Variants in TSHZ2 observed in about 807,000 individuals in gnomAD.
TSHZ2 encodes teashirt zinc finger homeobox 2.
A neutral mutation model predicts 74.4 loss-of-function variants in TSHZ2; 21 were observed. The observed-to-expected ratio is 0.28, with a 90% confidence interval of 0.20 to 0.41. The LOEUF (loss-of-function observed/expected upper bound fraction) is 0.41. TSHZ2 is among the 10% of genes least tolerant of loss of function. The probability of loss-of-function intolerance (pLI) is 1.00; values close to 1 mark genes in which losing one functional copy is unlikely to be tolerated. For missense variants in TSHZ2, 1,244 were observed against 1,293.5 expected (o/e 0.96, Z 0.59); for synonymous variants, 540 against 515.3 (o/e 1.05, Z -0.65).
intron 2 of TSHZ2, among the ~76,000 whole-genome samples, chr20:53,370,319 C>T (rs1010909471): frequency 6.6e-6 from 1 of 152,150 alleles, no homozygotes; most frequent in Non-Finnish European, 1.5e-5. Context: ...TGGGCAGGCT[C>T]TTTGTGAAGG....
intron 1 of TSHZ2, among the ~76,000 whole-genome samples, chr20:53,131,819 A>AACC (rs1987108349): frequency 4.2e-5 from 4 of 95,404 alleles, no homozygotes; most frequent in Admixed American, 1.2e-4. Context: ...TTGAATGACA[A>AACC]CCCCCCCCCC....
At chr20:53,035,555 A>G (rs1983787399) in intron 1 of TSHZ2, among the ~76,000 whole-genome samples, 2 of 152,222 alleles carry the variant, frequency 1.3e-5, no homozygotes, top group African/African-American at 2.4e-5. Context: ...TTCCTGTGGT[A>G]TATTAATTAA....
At chr20:52,984,424 G>C (rs1981677567) in intron 1 of TSHZ2, among the ~76,000 whole-genome samples, 2 of 152,208 alleles carry the variant, frequency 1.3e-5, no homozygotes, top group Non-Finnish European at 2.9e-5. Context: ...GTCTGCGGAA[G>C]TGATACTGGG....
chr20:53,011,816 C>G (rs757987702), intron 1 of TSHZ2, among the ~76,000 whole-genome samples: 2 of 152,156 alleles, frequency 1.3e-5, no homozygotes, highest in Non-Finnish European at 2.9e-5. Flanking sequence ...GAAGCTGTAC[C>G]TTTTGGCTGA....
At chr20:53,482,498 T>G (rs887585786) in intron 2 of TSHZ2, among the ~76,000 whole-genome samples, 1 of 152,200 alleles carries the variant, frequency 6.6e-6, no homozygotes, top group Non-Finnish European at 1.5e-5. Flanking sequence ...CTGGAAAACT[T>G]CCTTGGTTTT....
intron 1 of TSHZ2, among the ~76,000 whole-genome samples, chr20:53,128,492 A>T (rs1987011172): frequency 6.6e-6 from 1 of 152,228 alleles, no homozygotes; most frequent in African/African-American, 2.4e-5. Context: ...TGGTAGTATG[A>T]TGATAGATAA....
chr20:53,404,635 C>T (rs1352222518), intron 2 of TSHZ2, among the ~76,000 whole-genome samples: 1 of 152,168 alleles, frequency 6.6e-6, no homozygotes, highest in Non-Finnish European at 1.5e-5. Context: ...GCTTCCTAAG[C>T]TCTTTAAATC....
At chr20:53,033,562 C>T (rs1983713746) in intron 1 of TSHZ2, among the ~76,000 whole-genome samples, 1 of 150,088 alleles carries the variant, frequency 6.7e-6, no homozygotes, top group South Asian at 2.1e-4. Flanking sequence ...GGGCCTAGGT[C>T]AGTGGCTGGC....
At chr20:53,271,185 A>G (rs1332677938) in intron 2 of TSHZ2, among the ~76,000 whole-genome samples, 2 of 152,222 alleles carry the variant, frequency 1.3e-5, no homozygotes, top group Non-Finnish European at 2.9e-5. Flanking sequence ...AACACACAGC[A>G]GCTAAGCTCA....
At chr20:53,183,657 A>T (rs1024236113) in intron 1 of TSHZ2, among the ~76,000 whole-genome samples, 1 of 152,158 alleles carries the variant, frequency 6.6e-6, no homozygotes, top group Non-Finnish European at 1.5e-5. Flanking sequence ...AGCTCTCAGG[A>T]GTTTCCTGGA....
At chr20:53,472,919 ACT>A (rs1985867913) in intron 2 of TSHZ2, among the ~76,000 whole-genome samples, 2 of 152,110 alleles carry the variant, frequency 1.3e-5, no homozygotes, top group South Asian at 4.2e-4. Context: ...AAATCGGGTC[ACT>A]CTCACCCGAA....
chr20:53,280,739 C>G (rs368011208), intron 2 of TSHZ2, among the ~76,000 whole-genome samples: 2 of 152,052 alleles, frequency 1.3e-5, no homozygotes, highest in East Asian at 3.9e-4. Flanking sequence ...GTCGTCCAGG[C>G]TGGAGTACAG....
intron 1 of TSHZ2, among the ~76,000 whole-genome samples, chr20:52,977,163 C>T (rs1331569491): frequency 6.6e-6 from 1 of 152,072 alleles, no homozygotes; most frequent in Non-Finnish European, 1.5e-5. Context: ...TCTGAATTAA[C>T]CGGTGAGGTC....
intron 2 of TSHZ2, among the ~76,000 whole-genome samples, chr20:53,474,579 C>G (rs1364003596): frequency 7.6e-6 from 1 of 131,362 alleles, no homozygotes; most frequent in Non-Finnish European, 1.6e-5. Context: ...ACCATCCAGA[C>G]TAGGAAGAAA....
intron 1 of TSHZ2, among the ~76,000 whole-genome samples, chr20:53,000,306 G>A (rs1982363902): frequency 6.6e-6 from 1 of 152,156 alleles, no homozygotes; most frequent in Non-Finnish European, 1.5e-5. Context: ...CTCTTGGCCT[G>A]CAAAGCTCAA....
At chr20:53,306,995 G>A (rs1181214243) in intron 2 of TSHZ2, among the ~76,000 whole-genome samples, 2 of 152,194 alleles carry the variant, frequency 1.3e-5, no homozygotes, top group Non-Finnish European at 2.9e-5. Context: ...TTTATACATA[G>A]AGTGAGGAAC....
chr20:53,256,320 G>A lies in TSHZ2; in HGVS notation c.2862G>A (p.Lys954=), dbSNP rs1338199642. 6.2e-7 allele frequency: 1 copy of A among 1,613,856 alleles called. No homozygotes were observed. The highest frequency in any genetic ancestry group is 1.3e-5 in the African/African-American group (1 of 74,894). Reference sequence around the variant, plus strand: ...AATCTCACCTGGGTTTCCAAATGAAGGACATGACCCGCTTGTCAGTGGACC... The same window carrying A: ...AATCTCACCTGGGTTTCCAAATGAAAGACATGACCCGCTTGTCAGTGGACC... ...HLESHLGFQM[K]DMTRLSVDQQ... is the part of the protein sequence containing the mutation. Residue 954 remains lysine (K), a synonymous_variant, in exon 2 of 3, where the codon AAG becomes AAA. Coordinates refer to ENST00000371497, the MANE Select transcript of TSHZ2 (RefSeq NM_173485.6). The surrounding 1 kb of genome is among the most constrained non-coding windows in gnomAD (Gnocchi z 4.3).
At chr20:53,039,203 G>T (rs1983946787) in intron 1 of TSHZ2, among the ~76,000 whole-genome samples, 1 of 151,916 alleles carries the variant, frequency 6.6e-6, no homozygotes, top group Non-Finnish European at 1.5e-5. Context: ...CACATGGGGG[G>T]ATGTGCTTTC....
chr20:53,096,298 CGCCTG>C (rs1986044155), intron 1 of TSHZ2, among the ~76,000 whole-genome samples: 1 of 152,122 alleles, frequency 6.6e-6, no homozygotes, highest in Non-Finnish European at 1.5e-5. Flanking sequence ...TGCACCACCA[CGCCTG>C]GCTAATTTTT....
Sources: allele counts gnomAD v4.1 joint callset (sites outside exome capture counted in the v4.1 genomes callset), GRCh38; gene constraint gnomAD v4.1.1; non-coding constraint Gnocchi (gnomAD v3.1); transcripts MANE v1.5; gene names NCBI Gene and HGNC (gene_info 2026-07-23, HGNC 2026-07-21).